LOC128462377: variants seen among roughly 807,000 people sequenced by gnomAD.
At chr16:89,416,237 G>C in the LOC128462377 span, among the ~76,000 whole-genome samples, 1 of 152,236 alleles carries the variant, frequency 6.6e-6, no homozygotes, top group East Asian at 1.9e-4. Flanking sequence ...TCCAGGTCCT[G>C]TCAGCAGAGT....
At chr16:89,344,344 C>T in the LOC128462377 span, among the ~76,000 whole-genome samples, 1 of 152,316 alleles carries the variant, frequency 6.6e-6, no homozygotes, top group Non-Finnish European at 1.5e-5. Flanking sequence ...GGAGCTGCAA[C>T]CATCCAAAGA....
the LOC128462377 span, among the ~76,000 whole-genome samples, chr16:89,386,026 T>C: frequency 6.6e-6 from 1 of 152,222 alleles, no homozygotes; most frequent in African/African-American, 2.4e-5. Context: ...ACCACGGGTG[T>C]GCGCCGCCAT....
the LOC128462377 span, among the ~76,000 whole-genome samples, chr16:89,317,716 TC>T: frequency 1.7e-4 from 26 of 152,338 alleles, 1 homozygote; most frequent in Middle Eastern, 0.02. Context: ...CTCCTGGGTT[TC>T]CCAGGAAATC....
chr16:89,336,781 G>A, the LOC128462377 span, among the ~76,000 whole-genome samples: 3 of 152,116 alleles, frequency 2.0e-5, no homozygotes, highest in East Asian at 1.9e-4. Context: ...TGATAAAAGG[G>A]TTTCAATACA....
the LOC128462377 span, among the ~76,000 whole-genome samples, chr16:89,401,915 C>CCGCCGGGCACACCAGAGACTCCCCCA: frequency 6.6e-6 from 1 of 151,980 alleles, no homozygotes. Context: ...CCCCCAGAAC[C>CCGCCGGGCACACCAGAGACTCCCCCA]TGGAGAGAGG....
the LOC128462377 span, among the ~76,000 whole-genome samples, chr16:89,322,180 A>T: frequency 6.6e-5 from 10 of 152,322 alleles, no homozygotes; most frequent in African/African-American, 2.4e-4. Flanking sequence ...TGTATTGTTC[A>T]AGGGTTTGCT....
At chr16:89,375,430 G>A in the LOC128462377 span, among the ~76,000 whole-genome samples, 1 of 151,320 alleles carries the variant, frequency 6.6e-6, no homozygotes, top group African/African-American at 2.4e-5. Context: ...AAGCCGCTGC[G>A]CTCCCGCCCA....
chr16:89,331,354 T>C, the LOC128462377 span, among the ~76,000 whole-genome samples: 1 of 152,274 alleles, frequency 6.6e-6, no homozygotes, highest in East Asian at 1.9e-4. Flanking sequence ...ACATCATATA[T>C]CTCATGGACA....
the LOC128462377 span, among the ~76,000 whole-genome samples, chr16:89,377,048 A>C: frequency 6.6e-6 from 1 of 152,202 alleles, no homozygotes; most frequent in African/African-American, 2.4e-5. Flanking sequence ...CCGTGAAGTC[A>C]GGAAGTACCT....
the LOC128462377 span, among the ~76,000 whole-genome samples, chr16:89,334,144 TAAAAAAAAAAAAA>T: frequency 1.7e-4 from 7 of 41,412 alleles, no homozygotes; most frequent in South Asian, 9.4e-4. Context: ...CCCTGTGTTT[TAAAAAAAAAAAAA>T]AAAAAAAAAA....
the LOC128462377 span, among the ~76,000 whole-genome samples, chr16:89,370,304 G>A: frequency 8.6e-3 from 1,316 of 152,312 alleles, 9 homozygotes; most frequent in Non-Finnish European, 0.015. Context: ...CTGAGGATGA[G>A]AAGATGTTTC....
the LOC128462377 span, among the ~76,000 whole-genome samples, chr16:89,318,901 T>G: frequency 2.0e-5 from 3 of 152,116 alleles, no homozygotes; most frequent in Non-Finnish European, 4.4e-5. Flanking sequence ...CCAGACATAT[T>G]TTCTCTCTCT....
At chr16:89,318,651 C>G in the LOC128462377 span, among the ~76,000 whole-genome samples, 4 of 152,238 alleles carry the variant, frequency 2.6e-5, no homozygotes, top group Non-Finnish European at 5.9e-5. Flanking sequence ...CCCCTGGACG[C>G]AGGCTTGGCT....
the LOC128462377 span, among the ~76,000 whole-genome samples, chr16:89,387,305 G>A: frequency 3.9e-5 from 6 of 151,994 alleles, no homozygotes; most frequent in East Asian, 3.9e-4. Flanking sequence ...AAGGGGCTGC[G>A]TCTGTGGTGA....
the LOC128462377 span, among the ~76,000 whole-genome samples, chr16:89,374,371 C>T: frequency 6.6e-6 from 1 of 151,922 alleles, no homozygotes; most frequent in Non-Finnish European, 1.5e-5. Context: ...TCACACTCAC[C>T]TGTTTACATA....
the LOC128462377 span, among the ~76,000 whole-genome samples, chr16:89,342,524 C>G: frequency 6.6e-6 from 1 of 152,228 alleles, no homozygotes; most frequent in African/African-American, 2.4e-5. Context: ...CTCGCTGCGG[C>G]CTGCGTGGCT....
the LOC128462377 span, among the ~76,000 whole-genome samples, chr16:89,402,252 T>C: frequency 6.6e-6 from 1 of 152,186 alleles, no homozygotes; most frequent in Non-Finnish European, 1.5e-5. Flanking sequence ...TCTGGGTGCC[T>C]ACACGTGACG....
At chr16:89,339,411 C>A in the LOC128462377 span, among the ~76,000 whole-genome samples, 2 of 152,152 alleles carry the variant, frequency 1.3e-5, no homozygotes, top group Non-Finnish European at 2.9e-5. Context: ...GAAAGCTGGT[C>A]GGTAGCATCA....
the LOC128462377 span, among the ~76,000 whole-genome samples, chr16:89,370,065 A>G: frequency 3.3e-5 from 5 of 152,208 alleles, no homozygotes; most frequent in African/African-American, 9.7e-5. Context: ...CTGGCTTCAG[A>G]GCTCTCACTG....
Sources: gnomAD v4.1 joint callset for allele counts (sites outside exome capture counted in the v4.1 genomes callset) on GRCh38, gnomAD v4.1.1 for gene constraint, MANE v1.5 for transcripts.